Variants in CDH13 observed in about 807,000 individuals in gnomAD.
The protein encoded by CDH13 is cadherin-13.
Under a neutral mutation model 63.8 loss-of-function variants are expected in CDH13, and 24 were observed. That is an observed-to-expected ratio of 0.38 (90% CI 0.27 to 0.53). The LOEUF (loss-of-function observed/expected upper bound fraction) is 0.53. Among genes scored for constraint, CDH13 ranks in the 20% least tolerant of loss-of-function variants. The pLI is 0.85. For synonymous variants in CDH13, 503 were observed against 355.3 expected (o/e 1.42, Z -4.67); for missense variants, 1,049 against 903.1 (o/e 1.16, Z -2.07).
At chr16:83,115,522 C>A (rs1420590858) in intron 3 of CDH13, among the ~76,000 whole-genome samples, 1 of 152,212 alleles carries the variant, frequency 6.6e-6, no homozygotes, top group African/African-American at 2.4e-5. Flanking sequence ...TGAACTCAAA[C>A]CCGAAGCATC....
At chr16:83,005,663 T>C (rs1913414238) in intron 2 of CDH13, among the ~76,000 whole-genome samples, 1 of 152,242 alleles carries the variant, frequency 6.6e-6, no homozygotes, top group South Asian at 2.1e-4. Context: ...TGTCAAATTC[T>C]CATCACAGCT....
In CDH13 at chr16:83,493,168, C is replaced by G. The variant is rs74329495; in HGVS notation, c.960+6513C>G. Among the ~76,000 whole-genome samples, 3 of 152,324 alleles carry G rather than the reference C, an allele frequency of 2.0e-5. No individual in the cohort carries two copies. In the East Asian group the frequency reaches 5.8e-4, roughly 29 times the overall value. On this transcript the variant is annotated intron_variant, in intron 7 of 13. Coordinates refer to ENST00000567109, the MANE Select transcript of CDH13 (RefSeq NM_001257.5). ...AGATGTGCCAAGTACTAGCGTGATA[C>G]TTATCTATAAGCACTCTGTAAATAT...
chr16:82,782,154 A>T (rs1445807694), intron 1 of CDH13, among the ~76,000 whole-genome samples: 1 of 152,204 alleles, frequency 6.6e-6, no homozygotes, highest in Non-Finnish European at 1.5e-5. Context: ...TGCAGAACAT[A>T]TGGTGGTATT....
Position 83,309,415 on chromosome 16 carries a change from A to G in CDH13, c.637-35447A>G, listed in dbSNP as rs563897457. The stretch of plus-strand genomic sequence containing the variant: ...TTTTGAGACAGAATCTTACTCTGTC[A>G]CCCAGGCTGGAGTGCAGTGGCATGA... On this transcript the variant is annotated intron_variant, in intron 5 of 13. Coordinates refer to ENST00000567109, the MANE Select transcript of CDH13 (RefSeq NM_001257.5). Among the ~76,000 whole-genome samples, 5 of 151,876 alleles carry G rather than the reference A, an allele frequency of 3.3e-5. No homozygotes were observed. The South Asian group carries it at 1.0e-3, about 32-fold the overall frequency.
chr16:82,820,314 G>C (rs966462995), intron 1 of CDH13, among the ~76,000 whole-genome samples: 1 of 152,194 alleles, frequency 6.6e-6, no homozygotes, highest in Non-Finnish European at 1.5e-5. Context: ...TAAAAGACCA[G>C]GAAGAGCTTA....
At chr16:82,762,707 T>G (rs929703711) in intron 1 of CDH13, among the ~76,000 whole-genome samples, 7 of 152,186 alleles carry the variant, frequency 4.6e-5, no homozygotes, top group African/African-American at 1.7e-4. Flanking sequence ...TTCCCTGGAA[T>G]GCCTTGAGCA....
At chr16:83,290,243 A>G (rs550100786) in intron 5 of CDH13, among the ~76,000 whole-genome samples, 1 of 152,258 alleles carries the variant, frequency 6.6e-6, no homozygotes, top group South Asian at 2.1e-4. Flanking sequence ...ATGGCTCCCT[A>G]ACTGGGATCT....
chr16:83,350,471 C>T (rs1288999003), intron 6 of CDH13, among the ~76,000 whole-genome samples: 2 of 152,224 alleles, frequency 1.3e-5, no homozygotes, highest in Non-Finnish European at 2.9e-5. Flanking sequence ...TGAAGACAAG[C>T]AGAGATTAGC....
rs142330666 is a variant in CDH13 at position 83,228,774 on chromosome 16, G to A, written c.636+11277G>A. ...ACTCGCATGCTAAGGAGTGAGCTTA[G>A]ACATGATACTCCTGCGGCGAAAGGG... is the stretch of plus-strand genomic sequence containing the variant. On this transcript the variant is annotated intron_variant, in intron 5 of 13. Transcript: ENST00000567109. Among the ~76,000 whole-genome samples the A allele has an allele frequency of 7.7e-3, 1,180 of 152,322 alleles. 9 individuals are homozygous for A. Among genetic ancestry groups the A allele is most frequent in the Middle Eastern group, 0.02 (6 of 294 alleles).
At chr16:82,688,942 AGT>A (rs1915358711) in intron 1 of CDH13, 4 of 152,164 alleles carry the variant, frequency 2.6e-5, no homozygotes, top group Admixed American at 2.6e-4. Context: ...GGTCACTGCC[AGT>A]GCTGAGACAT....
intron 2 of CDH13, among the ~76,000 whole-genome samples, chr16:83,005,192 G>T (rs925564182): frequency 6.6e-6 from 1 of 152,088 alleles, no homozygotes. Flanking sequence ...TTTCTGCCAG[G>T]GCTTTAACCG....
At chr16:83,315,063 C>T (rs74034112) in intron 5 of CDH13, among the ~76,000 whole-genome samples, 198 of 152,250 alleles carry the variant, frequency 1.3e-3, no homozygotes, top group African/African-American at 4.5e-3. Flanking sequence ...CCCATGCTGA[C>T]GTTACAAAGT....
At chr16:83,636,022 G>T (rs1268087295) in intron 8 of CDH13, among the ~76,000 whole-genome samples, 1 of 151,898 alleles carries the variant, frequency 6.6e-6, no homozygotes, top group Non-Finnish European at 1.5e-5. Flanking sequence ...TTATCTGCCA[G>T]TGGACACACA....
intron 3 of CDH13, among the ~76,000 whole-genome samples, chr16:83,080,872 T>TTTTTTTTTTTTTG (rs2033189428): frequency 5.1e-5 from 1 of 19,690 alleles, no homozygotes; most frequent in Admixed American, 6.7e-4. Context: ...TGTTTTTGTG[T>TTTTTTTTTTTTTG]TTTTTTTTTT....
chr16:82,679,630 T>G (rs182476954), intron 1 of CDH13, among the ~76,000 whole-genome samples: 40 of 152,298 alleles, frequency 2.6e-4, no homozygotes, highest in African/African-American at 9.1e-4. Context: ...TCTGTCTCTG[T>G]TGCTTCCCAG....
At chr16:83,729,463 C>T (rs1013320563) in intron 10 of CDH13, among the ~76,000 whole-genome samples, 2 of 152,042 alleles carry the variant, frequency 1.3e-5, no homozygotes, top group African/African-American at 4.8e-5. Flanking sequence ...CTGAGATAGG[C>T]AAAACTAAGA....
chr16:83,788,934 A>G (rs1349871872), intron 13 of CDH13, among the ~76,000 whole-genome samples: 1 of 152,202 alleles, frequency 6.6e-6, no homozygotes, highest in Non-Finnish European at 1.5e-5. Context: ...CCCCCAAAAA[A>G]CAGTTAAAAA....
chr16:83,727,588 T>C (rs186140268), intron 10 of CDH13, among the ~76,000 whole-genome samples: 2 of 151,950 alleles, frequency 1.3e-5, no homozygotes, highest in Non-Finnish European at 2.9e-5. Context: ...AAGAAAAATA[T>C]CAGTTTTACT....
At chr16:83,313,963 A>G (rs1193248177) in intron 5 of CDH13, among the ~76,000 whole-genome samples, 1 of 152,206 alleles carries the variant, frequency 6.6e-6, no homozygotes, top group Non-Finnish European at 1.5e-5. Flanking sequence ...TGTCTGTTTC[A>G]TTAATGATGG....
Sources: allele counts gnomAD v4.1 joint callset (sites outside exome capture counted in the v4.1 genomes callset), GRCh38; gene constraint gnomAD v4.1.1; transcripts MANE v1.5; gene names NCBI Gene and HGNC (gene_info 2026-07-23, HGNC 2026-07-21).